The following SLC16A7 variants were observed in gnomAD, a reference collection of about 807,000 sequenced individuals.
The protein encoded by SLC16A7 is monocarboxylate transporter 2.
SLC16A7 carries 33 observed loss-of-function variants against 34.9 expected under a neutral mutation model. The observed-to-expected ratio is 0.94, with a 90% CI of 0.72 to 1.26. The LOEUF (loss-of-function observed/expected upper bound fraction) is 1.26. Ranked by LOEUF, SLC16A7 falls within the 50% of genes most tolerant of loss-of-function variation. The pLI is 0.00. For synonymous variants in SLC16A7, 201 were observed against 206.6 expected (o/e 0.97, Z 0.23); for missense variants, 573 against 578.1 (o/e 0.99, Z 0.09).
intron 1 of SLC16A7, among the ~76,000 whole-genome samples, chr12:59,645,798 T>C (rs925536453): frequency 6.6e-6 from 1 of 152,120 alleles, no homozygotes; most frequent in Non-Finnish European, 1.5e-5. Context: ...TGGAACTTCA[T>C]AGAGACTTGT....
chr12:59,613,024 A>G (rs1269864510), intron 1 of SLC16A7, among the ~76,000 whole-genome samples: 1 of 151,816 alleles, frequency 6.6e-6, no homozygotes, highest in Non-Finnish European at 1.5e-5. Context: ...GCAGCACCCC[A>G]CTCCTGGTAC....
At chr12:59,612,433 A>G (rs943010198) in intron 1 of SLC16A7, among the ~76,000 whole-genome samples, 2 of 152,010 alleles carry the variant, frequency 1.3e-5, no homozygotes, top group East Asian at 1.9e-4. Flanking sequence ...AGACCACAGA[A>G]CCATTTTTCC....
At chr12:59,671,124 G>T (rs909383307) in intron 2 of SLC16A7, among the ~76,000 whole-genome samples, 1 of 152,092 alleles carries the variant, frequency 6.6e-6, no homozygotes, top group African/African-American at 2.4e-5. Context: ...TGAATTCGAG[G>T]TTCTTTATTC....
At chr12:59,603,346 A>C (rs1446743176) in intron 1 of SLC16A7, among the ~76,000 whole-genome samples, 1 of 152,182 alleles carries the variant, frequency 6.6e-6, no homozygotes, top group Non-Finnish European at 1.5e-5. Flanking sequence ...ATGTAAGTCC[A>C]AACAGCTGTT....
chr12:59,684,868 G>A (rs920742140), intron 2 of SLC16A7, among the ~76,000 whole-genome samples: 1 of 152,112 alleles, frequency 6.6e-6, no homozygotes, highest in Non-Finnish European at 1.5e-5. Flanking sequence ...CCAGCCTACA[G>A]GTCTTTAGGG....
chr12:59,775,026 A>G lies in SLC16A7; in HGVS notation c.731A>G (p.His244Arg). The change falls in exon 5 of 6, where the codon CAT (histidine) becomes CGT (arginine). Residue 244 changes from histidine to arginine, a missense_variant. By Grantham distance (29) the His-to-Arg change is conservative. Transcript: ENST00000547379. Reference sequence around the variant, plus strand: ...TATTTAGATTTCTCCCTTTTTAAGCATAGAGGATTTCTGATATATCTGTCT... The same window carrying G: ...TATTTAGATTTCTCCCTTTTTAAGCGTAGAGGATTTCTGATATATCTGTCT... ...NKYLDFSLFKHRGFLIYLSGN... is the reference protein window; with the variant it reads ...NKYLDFSLFKRRGFLIYLSGN... 1.2e-6 allele frequency: 2 copies of G among 1,614,106 alleles called. No individual in the cohort carries two copies. Among genetic ancestry groups the G allele is most frequent in the African/African-American group, 2.7e-5 (2 of 75,056 alleles).
chr12:59,651,923 A>T (rs1253395244), intron 1 of SLC16A7, among the ~76,000 whole-genome samples: 1 of 152,168 alleles, frequency 6.6e-6, no homozygotes, highest in Non-Finnish European at 1.5e-5. Context: ...AATGCTAACT[A>T]CTGTCATAAG....
chr12:59,768,215 A>C (rs1881874556), intron 3 of SLC16A7: 1 of 455,560 alleles, frequency 2.2e-6, no homozygotes, highest in African/African-American at 2.0e-5. Flanking sequence ...TAACATCACG[A>C]TCATTCACTG....
chr12:59,610,221 T>TA (rs2136965936), intron 1 of SLC16A7, among the ~76,000 whole-genome samples: 1 of 152,268 alleles, frequency 6.6e-6, no homozygotes, highest in East Asian at 1.9e-4. Flanking sequence ...TAGCTAAAAA[T>TA]AAAAATCATC....
At chr12:59,715,155 C>T (rs1874748458) in intron 3 of SLC16A7, among the ~76,000 whole-genome samples, 1 of 152,132 alleles carries the variant, frequency 6.6e-6, no homozygotes, top group Non-Finnish European at 1.5e-5. Context: ...TAGTTATGCT[C>T]TATAAAGTTG....
intron 1 of SLC16A7, among the ~76,000 whole-genome samples, chr12:59,631,835 T>C (rs902699028): frequency 1.3e-5 from 2 of 151,978 alleles, no homozygotes; most frequent in African/African-American, 4.8e-5. Context: ...CACCGTTCCA[T>C]GTAGAGATGG....
intron 3 of SLC16A7, among the ~76,000 whole-genome samples, chr12:59,768,687 C>T (rs767156192): frequency 3.9e-5 from 6 of 152,100 alleles, no homozygotes; most frequent in Non-Finnish European, 7.4e-5. Flanking sequence ...ATGCAACAAA[C>T]TTGTTTGTCT....
intron 2 of SLC16A7, among the ~76,000 whole-genome samples, chr12:59,671,948 T>TATATATGTATATATAC (rs1869811955): frequency 1.7e-5 from 1 of 60,130 alleles, no homozygotes; most frequent in Non-Finnish European, 2.9e-5. Flanking sequence ...TATATATGTG[T>TATATATGTATATATAC]ATATATGTAT....
At chr12:59,692,477 T>G (rs1871787103) in intron 2 of SLC16A7, among the ~76,000 whole-genome samples, 1 of 151,998 alleles carries the variant, frequency 6.6e-6, no homozygotes, top group African/African-American at 2.4e-5. Context: ...TTGTCACTTG[T>G]GATGTCAAAT....
intron 1 of SLC16A7, among the ~76,000 whole-genome samples, chr12:59,647,405 A>G (rs1479346604): frequency 6.6e-6 from 1 of 152,086 alleles, no homozygotes; most frequent in Non-Finnish European, 1.5e-5. Flanking sequence ...TTCTGCTGCC[A>G]TGTGAAGAAG....
At chr12:59,643,105 A>T (rs1391300920) in intron 1 of SLC16A7, among the ~76,000 whole-genome samples, 1 of 152,078 alleles carries the variant, frequency 6.6e-6, no homozygotes, top group Non-Finnish European at 1.5e-5. Context: ...CTTGATTTAG[A>T]CTTTACTTTC....
intron 5 of SLC16A7, among the ~76,000 whole-genome samples, chr12:59,776,669 T>C (rs888355278): frequency 5.9e-5 from 9 of 152,312 alleles, no homozygotes; most frequent in African/African-American, 2.2e-4. Context: ...ATGACATCAT[T>C]GACCTTTTGT....
intron 3 of SLC16A7, among the ~76,000 whole-genome samples, chr12:59,746,650 A>G (rs1481458621): frequency 2.0e-5 from 3 of 152,196 alleles, no homozygotes; most frequent in African/African-American, 7.2e-5. Context: ...TTAGCATTCC[A>G]AATAGGCTGT....
At chr12:59,661,721 A>T (rs1445112498) in intron 2 of SLC16A7, among the ~76,000 whole-genome samples, 1 of 152,072 alleles carries the variant, frequency 6.6e-6, no homozygotes, top group African/African-American at 2.4e-5. Flanking sequence ...ATACTTGCAT[A>T]TTTGTGGTTA....
Sources: allele counts gnomAD v4.1 joint callset (sites outside exome capture counted in the v4.1 genomes callset), GRCh38; gene constraint gnomAD v4.1.1; transcripts MANE v1.5; gene names NCBI Gene and HGNC (gene_info 2026-07-23, HGNC 2026-07-21).